PRELID2: variants seen among roughly 807,000 people sequenced by gnomAD.
The protein encoded by PRELID2 is PRELI domain containing 2, also known as PRELI domain-containing protein 2.
In PRELID2, 25 loss-of-function variants were observed where a neutral mutation model predicts 28.4. The ratio of observed to expected loss-of-function variants is 0.88; its 90% CI spans 0.64 to 1.23. PRELID2 has a LOEUF of 1.23. Among genes scored for constraint, PRELID2 ranks in the 50% most tolerant of loss-of-function variants. PRELID2 has a pLI of 0.00. For missense variants in PRELID2, 201 were observed against 214.4 expected (o/e 0.94, Z 0.39); for synonymous variants, 76 against 71.6 (o/e 1.06, Z -0.31).
the PRELID2 span, among the ~76,000 whole-genome samples, chr5:145,371,885 T>TAAAAA: frequency 7.2e-5 from 9 of 124,324 alleles, no homozygotes; most frequent in Admixed American, 8.1e-5. Context: ...TTTTGTTAAT[T>TAAAAA]TAAAAAAAAA....
chr5:145,323,228 G>A, the PRELID2 span, among the ~76,000 whole-genome samples: 1 of 152,040 alleles, frequency 6.6e-6, no homozygotes, highest in Non-Finnish European at 1.5e-5. Flanking sequence ...AAAGGGCATG[G>A]CAGGGGACCT....
At chr5:145,534,644 C>T (rs1482176067) in intron 1 of PRELID2, among the ~76,000 whole-genome samples, 2 of 151,978 alleles carry the variant, frequency 1.3e-5, no homozygotes, top group Non-Finnish European at 2.9e-5. Flanking sequence ...CTCAGTCAAC[C>T]TACCTAAATT....
At chr5:145,763,212 T>C (rs1482219259) in intron 6 of PRELID2, among the ~76,000 whole-genome samples, 5 of 152,214 alleles carry the variant, frequency 3.3e-5, no homozygotes, top group Non-Finnish European at 7.3e-5. Context: ...CAGAGTAAGA[T>C]GGGATCTGTG....
chr5:145,820,893 C>A (rs1400258922), intron 2 of PRELID2, among the ~76,000 whole-genome samples: 1 of 152,094 alleles, frequency 6.6e-6, no homozygotes, highest in Non-Finnish European at 1.5e-5. Flanking sequence ...TAGAAGACAG[C>A]CAAGCGGGCA....
At chr5:145,286,853 G>C in the PRELID2 span, among the ~76,000 whole-genome samples, 2 of 151,878 alleles carry the variant, frequency 1.3e-5, no homozygotes, top group African/African-American at 2.4e-5. Context: ...GGGATTACAG[G>C]CATGTGCCAC....
chr5:145,260,898 G>A, the PRELID2 span, among the ~76,000 whole-genome samples: 1 of 152,164 alleles, frequency 6.6e-6, no homozygotes. Context: ...TCTCAGCTGG[G>A]TGGCTTGTAG....
intron 1 of PRELID2, among the ~76,000 whole-genome samples, chr5:145,569,077 A>G (rs1455083158): frequency 6.6e-6 from 1 of 152,248 alleles, no homozygotes; most frequent in Non-Finnish European, 1.5e-5. Context: ...CATCACCTAG[A>G]ACATCAGATA....
chr5:145,658,801 A>G (rs1754438245), intron 1 of PRELID2, among the ~76,000 whole-genome samples: 1 of 152,186 alleles, frequency 6.6e-6, no homozygotes, highest in African/African-American at 2.4e-5. Flanking sequence ...CTTCATCACA[A>G]TGCAAACTAA....
At chr5:145,742,367 G>A (rs1376985793) in intron 1 of PRELID2, among the ~76,000 whole-genome samples, 2 of 125,764 alleles carry the variant, frequency 1.6e-5, no homozygotes, top group African/African-American at 5.9e-5. Context: ...AGAAAACAAA[G>A]CTCAACAAAT....
At chr5:145,327,217 T>A in the PRELID2 span, among the ~76,000 whole-genome samples, 2 of 152,174 alleles carry the variant, frequency 1.3e-5, no homozygotes, top group South Asian at 4.1e-4. Flanking sequence ...AAACAGGGTA[T>A]TGAATTCTCC....
intron 1 of PRELID2, among the ~76,000 whole-genome samples, chr5:145,675,378 A>G (rs1754793911): frequency 6.6e-6 from 1 of 152,216 alleles, no homozygotes. Context: ...TAAAAGTTCA[A>G]TAATCCACTC....
Position 145,530,487 on chromosome 5 carries a change from T to A in PRELID2, n.71-57172A>T, listed in dbSNP as rs373672954. 2.0e-5 allele frequency among the ~76,000 whole-genome samples: 3 copies of A among 152,004 alleles called. No individual in the cohort carries two copies. The South Asian group carries it at 6.2e-4, about 32-fold the overall frequency. On this transcript the variant is annotated intron_variant and non_coding_transcript_variant, in intron 1 of 2. Coordinates refer to the PRELID2 transcript ENST00000510259. ...TAGAAAATAAGTCAAGAGGAGTTAG[T>A]CCAAAGGAAATTGGTCAAGTAGAGA...
At chr5:145,231,087 C>A in the PRELID2 span, among the ~76,000 whole-genome samples, 15 of 152,200 alleles carry the variant, frequency 9.9e-5, no homozygotes, top group African/African-American at 3.4e-4. Context: ...CAGAGCCCAT[C>A]TTTCAAAGGG....
intron 4 of PRELID2, among the ~76,000 whole-genome samples, chr5:145,811,044 T>C (rs1332303292): frequency 1.8e-5 from 2 of 112,842 alleles, no homozygotes; most frequent in Admixed American, 1.4e-4. Flanking sequence ...CTCACAATCA[T>C]GGTGGAAGGC....
chr5:145,663,294 C>T (rs1290524778), intron 1 of PRELID2, among the ~76,000 whole-genome samples: 1 of 152,170 alleles, frequency 6.6e-6, no homozygotes, highest in Non-Finnish European at 1.5e-5. Flanking sequence ...AGCTCACGTG[C>T]AACCTCAAAT....
chr5:145,359,163 T>A, the PRELID2 span, among the ~76,000 whole-genome samples: 2 of 152,340 alleles, frequency 1.3e-5, no homozygotes, highest in African/African-American at 2.4e-5. Flanking sequence ...ATTATAATCT[T>A]TGATTAAGCC....
chr5:145,529,025 C>T (rs769342947), intron 1 of PRELID2, among the ~76,000 whole-genome samples: 6 of 152,142 alleles, frequency 3.9e-5, no homozygotes, highest in Non-Finnish European at 8.8e-5. Context: ...CCTGCTAGGG[C>T]ATATTAGCAG....
At chr5:145,230,268 A>C in the PRELID2 span, among the ~76,000 whole-genome samples, 4 of 152,270 alleles carry the variant, frequency 2.6e-5, no homozygotes, top group East Asian at 7.7e-4. Flanking sequence ...GGAGAGCTAT[A>C]AAATGACAAT....
chr5:145,781,858 TC>T (rs1198606503), intron 5 of PRELID2, among the ~76,000 whole-genome samples: 2 of 151,474 alleles, frequency 1.3e-5, no homozygotes, highest in Non-Finnish European at 2.9e-5. Flanking sequence ...GTAGCAGCTT[TC>T]AATTCTATGC....
Sources: allele counts gnomAD v4.1 joint callset (sites outside exome capture counted in the v4.1 genomes callset), GRCh38; gene constraint gnomAD v4.1.1; transcripts MANE v1.5; gene names NCBI Gene and HGNC (gene_info 2026-07-23, HGNC 2026-07-21).